The following SND1 variants were observed in gnomAD, a reference collection of about 807,000 sequenced individuals.
SND1 encodes staphylococcal nuclease and tudor domain containing 1.
SND1 carries 38 observed loss-of-function variants against 121.7 expected under a neutral mutation model. The ratio of observed to expected loss-of-function variants is 0.31; its 90% CI spans 0.24 to 0.41. SND1 has a LOEUF of 0.41. Among genes scored for constraint, SND1 ranks in the 10% least tolerant of loss-of-function variants. The pLI is 1.00. For missense variants in SND1, 868 were observed against 1,184.6 expected, an observed-to-expected ratio of 0.73 and a Z score of 3.92; for synonymous variants, 401 against 447.4, an observed-to-expected ratio of 0.90 and a Z score of 1.31.
intron 16 of SND1, among the ~76,000 whole-genome samples, chr7:128,072,743 G>A (rs562746892): frequency 5.3e-5 from 8 of 152,124 alleles, no homozygotes; most frequent in Admixed American, 2.6e-4. Context: ...TGGAGGAGGC[G>A]CTCAGTCTTC....
rs540797889 is a variant in SND1 at position 127,792,014 on chromosome 7, T to C, written c.1153-15470T>C. ...TGAGAGTGTTCAACAGCATATTAGG[T>C]AGAAAAAATTATAGGTTATTTTGTT... On this transcript the variant is annotated intron_variant, in intron 10 of 23. Coordinates refer to ENST00000354725, the MANE Select transcript of SND1 (RefSeq NM_014390.4). 5.8e-4 allele frequency among the ~76,000 whole-genome samples: 89 copies of C among 152,322 alleles called. 1 individual carries two copies. The South Asian group carries it at 7.9e-3, about 13-fold the overall frequency.
At chr7:127,690,858 A>G (rs146609516) in intron 2 of SND1, among the ~76,000 whole-genome samples, 21 of 152,302 alleles carry the variant, frequency 1.4e-4, no homozygotes, top group Non-Finnish European at 2.5e-4. Context: ...CCTTTGTATC[A>G]CTGTCCCAAA....
intron 21 of SND1, among the ~76,000 whole-genome samples, chr7:128,087,408 T>C (rs1364262635): frequency 6.6e-6 from 1 of 152,158 alleles, no homozygotes; most frequent in African/African-American, 2.4e-5. Flanking sequence ...TTCTTTGTGC[T>C]GTATAGGCAG....
At chr7:127,942,351 A>G (rs1282930374) in intron 15 of SND1, among the ~76,000 whole-genome samples, 3 of 152,156 alleles carry the variant, frequency 2.0e-5, no homozygotes, top group African/African-American at 7.2e-5. Flanking sequence ...TTTAAGTGAG[A>G]TTTGCCAGGA....
intron 15 of SND1, among the ~76,000 whole-genome samples, chr7:127,985,367 C>T (rs1193340124): frequency 2.0e-5 from 3 of 152,236 alleles, no homozygotes; most frequent in Non-Finnish European, 2.9e-5. Flanking sequence ...AAGTGGTTCT[C>T]CTGCCTCAGC....
Position 127,652,334 on chromosome 7 carries a change from C to G in SND1, c.-40C>G, listed in dbSNP as rs1019560841. On this transcript the variant is annotated 5_prime_UTR_variant, in exon 1 of 24. Coordinates refer to ENST00000354725, the MANE Select transcript of SND1 (RefSeq NM_014390.4). ...CGACACCCACATTGACACCTCCAGT[C>G]CGGCCAGCCGCTCCACTCGTTGCCT... is the stretch of plus-strand genomic sequence containing the variant. The G allele has an allele frequency of 4.5e-6, 7 of 1,546,382 alleles. No homozygotes were observed. The highest frequency in any genetic ancestry group is 6.2e-6 in the Non-Finnish European group (7 of 1,137,776).
intron 10 of SND1, among the ~76,000 whole-genome samples, chr7:127,770,234 C>T (rs1313180632): frequency 6.6e-6 from 1 of 151,838 alleles, no homozygotes; most frequent in Non-Finnish European, 1.5e-5. Flanking sequence ...AGTGGAGACA[C>T]GAAAATGTTT....
intron 16 of SND1, among the ~76,000 whole-genome samples, chr7:128,002,168 C>T (rs910066630): frequency 6.6e-6 from 1 of 152,216 alleles, no homozygotes. Flanking sequence ...GTTGTCCACC[C>T]ATGGCAGACA....
chr7:127,707,789 G>GTGTT, intron 9 of SND1, 142 bp downstream of exon 9: 2 of 601,290 alleles, frequency 3.3e-6, no homozygotes, highest in Non-Finnish European at 6.0e-6. Flanking sequence ...GTGTGTGTGT[G>GTGTT]TGTGTGTGTG....
At chr7:127,979,182 A>G (rs1802200043) in intron 15 of SND1, among the ~76,000 whole-genome samples, 1 of 152,208 alleles carries the variant, frequency 6.6e-6, no homozygotes, top group South Asian at 2.1e-4. Context: ...ATGTTCTAAT[A>G]AGACTTCATT....
At chr7:127,873,049 T>A (rs1263827495) in intron 12 of SND1, among the ~76,000 whole-genome samples, 1 of 152,174 alleles carries the variant, frequency 6.6e-6, no homozygotes, top group Non-Finnish European at 1.5e-5. Flanking sequence ...AAGATACTCA[T>A]CTCTTATATA....
chr7:127,673,626 T>C (rs1795564762), intron 1 of SND1, among the ~76,000 whole-genome samples: 1 of 152,234 alleles, frequency 6.6e-6, no homozygotes, highest in Admixed American at 6.5e-5. Flanking sequence ...TTAATGATTC[T>C]TGTTAGTGTG....
intron 14 of SND1, among the ~76,000 whole-genome samples, chr7:127,924,878 T>G (rs751137872): frequency 2.0e-4 from 31 of 152,204 alleles, no homozygotes; most frequent in Non-Finnish European, 3.7e-4. Flanking sequence ...TTGGAAGAGA[T>G]GTAGCCTGAC....
intron 15 of SND1, among the ~76,000 whole-genome samples, chr7:127,967,135 G>A (rs1235393266): frequency 1.3e-5 from 2 of 152,166 alleles, no homozygotes; most frequent in African/African-American, 2.4e-5. Context: ...TGCTCCCAGT[G>A]GGTGTTGCAC....
chr7:127,693,246 T>C (rs1795952538), intron 2 of SND1, among the ~76,000 whole-genome samples: 1 of 151,404 alleles, frequency 6.6e-6, no homozygotes, highest in African/African-American at 2.5e-5. Context: ...CTTTGGTGAC[T>C]GGTATCTGAT....
chr7:127,851,154 T>C (rs1355933202), intron 12 of SND1, among the ~76,000 whole-genome samples: 1 of 152,252 alleles, frequency 6.6e-6, no homozygotes, highest in Non-Finnish European at 1.5e-5. Context: ...CCTTGAATCC[T>C]ACAAATCAGC....
chr7:127,778,498 A>G (rs972684115), intron 10 of SND1, among the ~76,000 whole-genome samples: 2 of 152,188 alleles, frequency 1.3e-5, no homozygotes, highest in Non-Finnish European at 2.9e-5. Flanking sequence ...CACTCGGTCT[A>G]TTCATGTCTT....
chr7:127,706,375 GCCTCCC>G (rs1796199646), intron 8 of SND1, among the ~76,000 whole-genome samples: 1 of 149,498 alleles, frequency 6.7e-6, no homozygotes. Context: ...CTCTGCCTCA[GCCTCCC>G]CAGTAGCTGG....
chr7:127,991,153 C>T (rs1802515531), intron 16 of SND1, 97 bp downstream of exon 16: 1 of 783,618 alleles, frequency 1.3e-6, no homozygotes, highest in Non-Finnish European at 2.1e-6. Flanking sequence ...GTTTTTTCCA[C>T]TGCTCAGCCT....
Sources: gnomAD v4.1 joint callset for allele counts (sites outside exome capture counted in the v4.1 genomes callset) on GRCh38, gnomAD v4.1.1 for gene constraint, MANE v1.5 for transcripts, NCBI Gene and HGNC (gene_info 2026-07-23, HGNC 2026-07-21) for gene names.